PITPNM3: variants seen among roughly 807,000 people sequenced by gnomAD.
PITPNM3 encodes membrane-associated phosphatidylinositol transfer protein 3.
In PITPNM3, 26 loss-of-function variants were observed where a neutral mutation model predicts 102.0. That is an observed-to-expected ratio of 0.25 (90% confidence interval 0.19 to 0.35). PITPNM3 has a LOEUF of 0.35. Ranked by LOEUF, PITPNM3 falls within the 10% of genes least tolerant of loss-of-function variation. The pLI is 1.00. For synonymous variants in PITPNM3, 578 were observed against 558.6 expected, an observed-to-expected ratio of 1.03 and a Z score of -0.49; for missense variants, 1,083 against 1,346.1, an observed-to-expected ratio of 0.80 and a Z score of 3.06.
intron 1 of PITPNM3, among the ~76,000 whole-genome samples, chr17:6,555,527 C>T (rs1910552495): frequency 6.6e-6 from 1 of 152,154 alleles, no homozygotes. Flanking sequence ...TATGGCCGGC[C>T]CTGTGGGCAC....
At chr17:6,481,793 A>AGATG (rs1449724115) in intron 6 of PITPNM3, 1 of 130,294 alleles carries the variant, frequency 7.7e-6, no homozygotes, top group Non-Finnish European at 1.7e-5. Context: ...ATGGATGGAC[A>AGATG]GATGGATGGA....
At chr17:6,524,542 C>T (rs1465209444) in intron 3 of PITPNM3, among the ~76,000 whole-genome samples, 2 of 152,114 alleles carry the variant, frequency 1.3e-5, no homozygotes, top group Non-Finnish European at 2.9e-5. Flanking sequence ...CCACGTTGTC[C>T]GTTTGAATTT....
intron 4 of PITPNM3, among the ~76,000 whole-genome samples, chr17:6,497,580 A>G (rs1306749187): frequency 1.3e-5 from 2 of 152,182 alleles, no homozygotes; most frequent in Non-Finnish European, 2.9e-5. Flanking sequence ...TCTGGGGACA[A>G]GAGGAAGTTC....
At chr17:6,510,813 A>G (rs1461918372) in intron 3 of PITPNM3, among the ~76,000 whole-genome samples, 2 of 152,252 alleles carry the variant, frequency 1.3e-5, no homozygotes, top group Non-Finnish European at 2.9e-5. Context: ...AGGCTGGAGT[A>G]TCAAGGAGGC....
In PITPNM3 at chr17:6,468,661, G is replaced by T. The variant is rs528632412; in HGVS notation, c.1774-320C>A. Among the ~76,000 whole-genome samples the T allele has an allele frequency of 3.4e-4, 52 of 152,090 alleles. No homozygotes were observed. The highest frequency in any genetic ancestry group is 1.2e-3 in the African/African-American group (50 of 41,402). On this transcript the variant is annotated intron_variant, in intron 13 of 19. Transcript: ENST00000262483. This position sits in a 1 kb window ranked among gnomAD's most constrained non-coding sequence, Gnocchi z 5.2. ...AACAAGGTGGCCCTTTCTTAAGGCC[G>T]GCTTGAGTCCTGATCCCAGCCCCTC...
intron 4 of PITPNM3, among the ~76,000 whole-genome samples, chr17:6,495,844 A>G (rs568277214): frequency 1.1e-4 from 16 of 152,282 alleles, no homozygotes; most frequent in African/African-American, 3.9e-4. Flanking sequence ...AAACAAAGGA[A>G]AGGGCGATTC....
At chr17:6,552,862 G>A (rs548307932) in intron 1 of PITPNM3, among the ~76,000 whole-genome samples, 1 of 149,912 alleles carries the variant, frequency 6.7e-6, no homozygotes, top group South Asian at 2.1e-4. Flanking sequence ...TGACTCCTGG[G>A]TTCATGCCAT....
At chr17:6,527,674 T>C (rs1451144638) in intron 2 of PITPNM3, among the ~76,000 whole-genome samples, 3 of 152,250 alleles carry the variant, frequency 2.0e-5, no homozygotes, top group African/African-American at 7.2e-5. Flanking sequence ...ATCCATTTGT[T>C]CATTCTAGCA....
chr17:6,556,441 G>T lies in PITPNM3; in HGVS notation c.-35C>A. ...GGCGGGCTCCGGCGGCGCTACGCGC[G>T]CTCCTCGCGCTTCCCGGGCCCGGCC... On this transcript the variant is annotated 5_prime_UTR_variant, in exon 1 of 20. Coordinates refer to ENST00000262483, the MANE Select transcript of PITPNM3 (RefSeq NM_031220.4). This position sits in a 1 kb window ranked among gnomAD's most constrained non-coding sequence, Gnocchi z 5.2. 8.2e-7 allele frequency: 1 copy of T among 1,224,908 alleles called. No individual in the cohort carries two copies. The highest frequency in any genetic ancestry group is 3.7e-5 in the East Asian group (1 of 27,174). 75.9% of individuals were successfully genotyped at this position (1,224,908 alleles called of 1,614,324 possible). A position where few individuals can be genotyped will look rare whatever the true frequency, so the allele number is the denominator to read the frequency against.
rs1199087185 is a variant in PITPNM3, at chr17:6,537,530, C to T, written c.118+457G>A. Among the ~76,000 whole-genome samples the T allele has an allele frequency of 6.6e-6, 1 of 152,224 alleles. No homozygotes were observed. Among genetic ancestry groups the T allele is most frequent in the Non-Finnish European group, 1.5e-5 (1 of 68,040 alleles). ...CAAACTCCTGACCTCAGGTGATCCA[C>T]CCACCTTGGCCTCCCAAAGTGCTGG... On this transcript the variant is annotated intron_variant, in intron 2 of 19. Coordinates refer to ENST00000262483, the MANE Select transcript of PITPNM3 (RefSeq NM_031220.4). The surrounding 1 kb of genome is among the most constrained non-coding windows in gnomAD (Gnocchi z 4.4).
At chr17:6,473,039 C>A in intron 10 of PITPNM3, 1 of 606,398 alleles carries the variant, frequency 1.6e-6, no homozygotes. Flanking sequence ...AGCCGTGCTG[C>A]ACAGCTGCCC....
At chr17:6,499,765 T>C (rs140944925) in intron 4 of PITPNM3, among the ~76,000 whole-genome samples, 21 of 152,306 alleles carry the variant, frequency 1.4e-4, no homozygotes, top group African/African-American at 4.8e-4. Context: ...AGAGTCTCAC[T>C]CTGTTGCCAG....
At chr17:6,544,959 A>G (rs1290789547) in intron 1 of PITPNM3, among the ~76,000 whole-genome samples, 1 of 151,986 alleles carries the variant, frequency 6.6e-6, no homozygotes, top group Non-Finnish European at 1.5e-5. Context: ...CAGAATGTGG[A>G]GTGCAGTGCT....
At chr17:6,541,029 C>A (rs966020369) in intron 1 of PITPNM3, among the ~76,000 whole-genome samples, 1 of 152,176 alleles carries the variant, frequency 6.6e-6, no homozygotes, top group Non-Finnish European at 1.5e-5. Context: ...GCCCAACAAA[C>A]TTCTGGAAAG....
chr17:6,491,455 G>C (rs1906478811), intron 4 of PITPNM3, among the ~76,000 whole-genome samples: 1 of 152,148 alleles, frequency 6.6e-6, no homozygotes, highest in African/African-American at 2.4e-5. Context: ...TAAAAACAGG[G>C]GAAATTTTTA....
chr17:6,460,675 A>G (rs563216996), intron 18 of PITPNM3: 1 of 152,732 alleles, frequency 6.5e-6, no homozygotes, highest in East Asian at 1.9e-4. Flanking sequence ...TTGAAAGTGT[A>G]AAAACCATTC....
At chr17:6,529,716 A>G (rs999394330) in intron 2 of PITPNM3, among the ~76,000 whole-genome samples, 3 of 152,126 alleles carry the variant, frequency 2.0e-5, no homozygotes, top group Non-Finnish European at 4.4e-5. Flanking sequence ...GGCCCACAAC[A>G]TGGATTTCTC....
At chr17:6,540,904 C>A (rs928031062) in intron 1 of PITPNM3, among the ~76,000 whole-genome samples, 1 of 152,202 alleles carries the variant, frequency 6.6e-6, no homozygotes, top group Non-Finnish European at 1.5e-5. Flanking sequence ...GGTGATCTGC[C>A]CGCCTCAGCT....
intron 2 of PITPNM3, among the ~76,000 whole-genome samples, chr17:6,529,715 C>T (rs1214460129): frequency 2.6e-5 from 4 of 152,252 alleles, no homozygotes; most frequent in African/African-American, 9.6e-5. Context: ...AGGCCCACAA[C>T]ATGGATTTCT....
Sources: gnomAD v4.1 joint callset for allele counts (sites outside exome capture counted in the v4.1 genomes callset) on GRCh38, gnomAD v4.1.1 for gene constraint, Gnocchi (gnomAD v3.1) non-coding constraint, MANE v1.5 for transcripts, NCBI Gene and HGNC (gene_info 2026-07-23, HGNC 2026-07-21) for gene names.